Variants in PRKN observed in about 807,000 individuals in gnomAD.
The protein encoded by PRKN is parkin RBR E3 ubiquitin protein ligase.
In PRKN, 56 loss-of-function variants were observed where a neutral mutation model predicts 59.5. That is an observed-to-expected ratio of 0.94 (90% CI 0.76 to 1.18). The LOEUF is 1.18. Ranked by LOEUF, PRKN falls within the 50% of genes most tolerant of loss-of-function variation. The pLI is 0.00. For synonymous variants in PRKN, 250 were observed against 222.1 expected (o/e 1.13, Z -1.12); for missense variants, 657 against 596.4 (o/e 1.10, Z -1.06).
chr6:161,580,076 A>C (rs1452556356), intron 7 of PRKN, among the ~76,000 whole-genome samples: 1 of 152,250 alleles, frequency 6.6e-6, no homozygotes. Flanking sequence ...AAAATAAAAC[A>C]AAAATCCAAT....
At chr6:162,072,576 C>T (rs564983659) in intron 4 of PRKN, among the ~76,000 whole-genome samples, 1 of 152,164 alleles carries the variant, frequency 6.6e-6, no homozygotes, top group African/African-American at 2.4e-5. Context: ...TCCTAAATAT[C>T]TCCATCCATA....
chr6:161,733,001 C>G (rs1583070779), intron 7 of PRKN, among the ~76,000 whole-genome samples: 1 of 152,032 alleles, frequency 6.6e-6, no homozygotes, highest in African/African-American at 2.4e-5. Flanking sequence ...GTAAAGATTG[C>G]CTTTCTACTT....
At chr6:161,971,409 GA>G (rs980361445) in intron 6 of PRKN, among the ~76,000 whole-genome samples, 17 of 152,274 alleles carry the variant, frequency 1.1e-4, no homozygotes, top group African/African-American at 3.9e-4. Context: ...AGAGTATTTT[GA>G]ATTTTTCCTT....
chr6:162,348,730 C>A (rs1289370972), intron 2 of PRKN, among the ~76,000 whole-genome samples: 1 of 151,730 alleles, frequency 6.6e-6, no homozygotes, highest in Non-Finnish European at 1.5e-5. Flanking sequence ...CAAGGCCTTA[C>A]AAAAACAGAG....
In PRKN at chr6:161,634,020, A is replaced by ACACACACG. The variant is rs1554285885; in HGVS notation, c.872-64605_872-64604insCGTGTGTG. ...TAAACACACACACACACACACACACACACACACACACACACACATCCCCCA... is the reference window on the plus strand; with the variant it reads ...TAAACACACACACACACACACACACACACACACGCACACACACACACACACATCCCCCA... On this transcript the variant is annotated intron_variant, in intron 7 of 11. Transcript: ENST00000366898. 4.7e-4 allele frequency among the ~76,000 whole-genome samples: 71 copies of ACACACACG among 151,782 alleles called. 1 individual carries two copies. Among genetic ancestry groups the ACACACACG allele is most frequent in the African/African-American group, 1.6e-3 (67 of 41,234 alleles).
At chr6:162,265,548 G>T (rs570419630) in intron 2 of PRKN, among the ~76,000 whole-genome samples, 1 of 152,072 alleles carries the variant, frequency 6.6e-6, no homozygotes, top group African/African-American at 2.4e-5. Context: ...AAAATTAGCC[G>T]GGCATGGTGG....
chr6:162,136,848 T>C (rs991466080), intron 4 of PRKN, among the ~76,000 whole-genome samples: 61 of 152,096 alleles, frequency 4.0e-4, no homozygotes, highest in Admixed American at 3.9e-3. Flanking sequence ...GAAAGGGAAA[T>C]GTAGAGGAGG....
intron 5 of PRKN, among the ~76,000 whole-genome samples, chr6:162,053,243 G>A (rs1019409436): frequency 1.3e-5 from 2 of 152,222 alleles, no homozygotes; most frequent in African/African-American, 4.8e-5. Context: ...CATGATTCTC[G>A]CTCAAACGCT....
At chr6:162,600,488 C>A (rs536245990) in intron 1 of PRKN, among the ~76,000 whole-genome samples, 4 of 152,102 alleles carry the variant, frequency 2.6e-5, no homozygotes, top group African/African-American at 9.7e-5. Flanking sequence ...TAAGTGTATA[C>A]GTAAGAGTAC....
At chr6:162,572,662 G>A (rs1471655954) in intron 1 of PRKN, among the ~76,000 whole-genome samples, 3 of 152,116 alleles carry the variant, frequency 2.0e-5, no homozygotes, top group Non-Finnish European at 2.9e-5. Context: ...ACCAGGGAAA[G>A]AAAAATATTA....
intron 7 of PRKN, among the ~76,000 whole-genome samples, chr6:161,580,165 G>C (rs2128137660): frequency 6.6e-6 from 1 of 152,332 alleles, no homozygotes; most frequent in African/African-American, 2.4e-5. Context: ...ACTATGGTTT[G>C]ATTGCCCAGA....
At chr6:162,412,720 A>G (rs1369952990) in intron 2 of PRKN, among the ~76,000 whole-genome samples, 2 of 152,160 alleles carry the variant, frequency 1.3e-5, no homozygotes, top group Non-Finnish European at 2.9e-5. Context: ...GTTAAATTTT[A>G]CTGCTTATCT....
chr6:162,341,570 T>C (rs1784180106), intron 2 of PRKN, among the ~76,000 whole-genome samples: 1 of 152,164 alleles, frequency 6.6e-6, no homozygotes, highest in Admixed American at 6.5e-5. Context: ...TGGAATACTA[T>C]GCAGCTATAA....
chr6:161,485,803 T>TTA (rs375258021), intron 9 of PRKN, among the ~76,000 whole-genome samples: 1,560 of 151,754 alleles, frequency 0.01, 28 homozygotes, highest in African/African-American at 0.036. Flanking sequence ...GCTTTATATA[T>TTA]TATATATATA....
chr6:161,786,675 T>C (rs182861652), intron 6 of PRKN, among the ~76,000 whole-genome samples: 318 of 152,242 alleles, frequency 2.1e-3, no homozygotes, highest in African/African-American at 7.3e-3. Context: ...AAAGAAAAAT[T>C]ACTATTGCAT....
intron 6 of PRKN, among the ~76,000 whole-genome samples, chr6:161,884,694 A>G (rs1795065172): frequency 6.6e-6 from 1 of 152,224 alleles, no homozygotes; most frequent in African/African-American, 2.4e-5. Context: ...GATTTAGCTC[A>G]TAATTTGATT....
chr6:161,396,352 A>T lies in PRKN; in HGVS notation c.1084-9475T>A, dbSNP rs1263289146. Among the ~76,000 whole-genome samples, 1 of 152,068 alleles carries T rather than the reference A, an allele frequency of 6.6e-6. No individual in the cohort carries two copies. The highest frequency in any genetic ancestry group is 1.5e-5 in the Non-Finnish European group (1 of 68,012). ...ACAAACTTCTTGGCGGGCAAATTTCAATATCTAACTGAGAATTCCCTTTAC... is the reference window on the plus strand; with the variant it reads ...ACAAACTTCTTGGCGGGCAAATTTCTATATCTAACTGAGAATTCCCTTTAC... On this transcript the variant is annotated intron_variant, in intron 9 of 11. Transcript: ENST00000366898. This position sits in a 1 kb window ranked among gnomAD's most constrained non-coding sequence, Gnocchi z 5.4.
chr6:161,882,520 T>A (rs1258159697), intron 6 of PRKN, among the ~76,000 whole-genome samples: 2 of 152,156 alleles, frequency 1.3e-5, no homozygotes, highest in East Asian at 1.9e-4. Flanking sequence ...CAGCTTCTCA[T>A]CAATTATCCC....
chr6:162,599,248 G>A (rs1317968746), intron 1 of PRKN, among the ~76,000 whole-genome samples: 2 of 152,072 alleles, frequency 1.3e-5, no homozygotes, highest in Non-Finnish European at 2.9e-5. Flanking sequence ...CAAAATAAGA[G>A]CTAACCCAGA....
Sources: gnomAD v4.1 joint callset for allele counts (sites outside exome capture counted in the v4.1 genomes callset) on GRCh38, gnomAD v4.1.1 for gene constraint, Gnocchi (gnomAD v3.1) non-coding constraint, MANE v1.5 for transcripts, NCBI Gene and HGNC (gene_info 2026-07-23, HGNC 2026-07-21) for gene names.